The following MCF2L2 variants were observed in gnomAD, a reference collection of about 807,000 sequenced individuals.
MCF2L2 encodes MCF.2 cell line derived transforming sequence-like 2.
A neutral mutation model predicts 150.2 loss-of-function variants in MCF2L2; 102 were observed. The observed-to-expected ratio is 0.68, with a 90% CI of 0.58 to 0.80. The LOEUF (loss-of-function observed/expected upper bound fraction) is 0.80, where lower values mean the gene tolerates loss of function less well. MCF2L2 is among the 30% of genes least tolerant of loss of function. MCF2L2 has a pLI of 0.00. For synonymous variants in MCF2L2, 465 were observed against 491.3 expected (o/e 0.95, Z 0.71); for missense variants, 1,256 against 1,372.8 (o/e 0.91, Z 1.34).
At chr3:183,242,884 G>C (rs745688512) in intron 15 of MCF2L2, among the ~76,000 whole-genome samples, 22 of 152,202 alleles carry the variant, frequency 1.4e-4, no homozygotes, top group Admixed American at 2.0e-4. Context: ...AAGCCACAGG[G>C]GCAGAGTTGC....
At chr3:183,400,879 A>T (rs1201568160) in intron 1 of MCF2L2, among the ~76,000 whole-genome samples, 1 of 152,164 alleles carries the variant, frequency 6.6e-6, no homozygotes, top group Non-Finnish European at 1.5e-5. Context: ...AACTTATTCC[A>T]GGCCACAATT....
intron 2 of MCF2L2, among the ~76,000 whole-genome samples, chr3:183,382,915 T>C (rs1007506907): frequency 2.6e-5 from 4 of 152,174 alleles, no homozygotes; most frequent in Non-Finnish European, 5.9e-5. Context: ...AGACCAATGA[T>C]GGGGAAGGTT....
chr3:183,258,389 G>C (rs965242361), intron 15 of MCF2L2: 1 of 152,694 alleles, frequency 6.5e-6, no homozygotes, highest in African/African-American at 2.4e-5. Flanking sequence ...CCAGGATCAG[G>C]TGCATTCAGC....
intron 1 of MCF2L2, among the ~76,000 whole-genome samples, chr3:183,390,668 G>A (rs942859622): frequency 7.9e-5 from 12 of 152,156 alleles, no homozygotes; most frequent in African/African-American, 2.9e-4. Flanking sequence ...AGGCCGAGGG[G>A]GAAGGACTAT....
At chr3:183,397,852 G>T (rs1303129877) in intron 1 of MCF2L2, among the ~76,000 whole-genome samples, 1 of 152,082 alleles carries the variant, frequency 6.6e-6, no homozygotes, top group Non-Finnish European at 1.5e-5. Flanking sequence ...TTGTTCTTTT[G>T]TTGCAAATGA....
Position 183,179,087 on chromosome 3 carries a change from C to CAA in MCF2L2, c.*291_*292dup, listed in dbSNP as rs1263996507. On this transcript the variant is annotated 3_prime_UTR_variant, in exon 30 of 30. Coordinates refer to ENST00000328913, the MANE Select transcript of MCF2L2 (RefSeq NM_015078.4). This position sits in a 1 kb window ranked among gnomAD's most constrained non-coding sequence, Gnocchi z 4.2. ...TGGGAGCACAGAGAAGCCCACGCAG[C>CAA]AAAGAATTGCCCGGCTCCGAATATC... 2.3e-5 allele frequency: 8 copies of CAA among 343,242 alleles called. No homozygotes were observed. Among genetic ancestry groups the CAA allele is most frequent in the Non-Finnish European group, 3.7e-5 (7 of 191,718 alleles). 21.3% of individuals were successfully genotyped at this position (343,242 alleles called of 1,614,324 possible).
intron 3 of MCF2L2, among the ~76,000 whole-genome samples, chr3:183,369,713 T>C (rs1382578774): frequency 6.6e-6 from 1 of 151,478 alleles, no homozygotes. Context: ...GTTGGAACTC[T>C]TTATGAGAAA....
rs556821329 is a variant in MCF2L2, at chr3:183,326,505, A to C, written c.487-3154T>G. On this transcript the variant is annotated intron_variant, in intron 5 of 29. Coordinates refer to ENST00000328913, the MANE Select transcript of MCF2L2 (RefSeq NM_015078.4). The stretch of plus-strand genomic sequence containing the variant: ...GAAACTCCGTCTCAAAAAAAAAAAA[A>C]AAAAAAAAAAACAAAAAAAAACCCA... Among the ~76,000 whole-genome samples, 1,099 of 148,908 alleles carry C rather than the reference A, an allele frequency of 7.4e-3. 6 individuals carry two copies. Among genetic ancestry groups the C allele is most frequent in the Middle Eastern group, 0.028 (8 of 288 alleles).
chr3:183,318,348 AC>A (rs2108516208), intron 6 of MCF2L2, 131 bp from the exon 7 acceptor site: 1 of 1,008,334 alleles, frequency 9.9e-7, no homozygotes, highest in Non-Finnish European at 1.5e-6. Flanking sequence ...GGTATAGAGG[AC>A]CTGATTCTGA....
chr3:183,382,427 C>T (rs1166837273), intron 2 of MCF2L2, among the ~76,000 whole-genome samples: 2 of 152,180 alleles, frequency 1.3e-5, no homozygotes, highest in East Asian at 1.9e-4. Context: ...GTGAAGTTTT[C>T]TTCTACCTTG....
intron 18 of MCF2L2, chr3:183,226,263 T>C (rs566964195): frequency 6.6e-6 from 1 of 152,180 alleles, no homozygotes; most frequent in Non-Finnish European, 1.5e-5. Flanking sequence ...GCCAACATGA[T>C]GAAACCTCGT....
At chr3:183,191,412 C>T (rs190449150) in intron 27 of MCF2L2, among the ~76,000 whole-genome samples, 115 of 152,298 alleles carry the variant, frequency 7.6e-4, no homozygotes, top group Admixed American at 1.2e-3. Flanking sequence ...GATCTAGACA[C>T]TTTTATAATG....
chr3:183,279,555 T>C lies in MCF2L2; in HGVS notation c.1777-2598A>G, dbSNP rs2108463594. Among the ~76,000 whole-genome samples the C allele has an allele frequency of 2.0e-5, 3 of 152,324 alleles. 1 individual carries two copies. The highest frequency in any genetic ancestry group is 2.0e-4 in the Admixed American group (3 of 15,296). ...TTCACCCTGAATTGCCCCTAGGGTA[T>C]ACCTAGGAGAGGGAGGGCTGGCAAC... On this transcript the variant is annotated intron_variant, in intron 14 of 29. Transcript: ENST00000328913.
intron 15 of MCF2L2, among the ~76,000 whole-genome samples, chr3:183,260,791 C>T (rs918258705): frequency 6.6e-6 from 1 of 152,206 alleles, no homozygotes; most frequent in East Asian, 1.9e-4. Flanking sequence ...ACCCAGCTTT[C>T]CCCTCTATCC....
intron 15 of MCF2L2, among the ~76,000 whole-genome samples, chr3:183,250,256 A>G (rs76021161): frequency 0.015 from 2,230 of 152,254 alleles, 43 homozygotes; most frequent in African/African-American, 0.05. Context: ...ACCCAAAGAC[A>G]CTTAAGGTTG....
intron 6 of MCF2L2, among the ~76,000 whole-genome samples, chr3:183,319,076 C>G (rs1170545305): frequency 6.6e-6 from 1 of 152,216 alleles, no homozygotes; most frequent in East Asian, 1.9e-4. Flanking sequence ...TAGCAGTTTA[C>G]TCACAATAGA....
chr3:183,358,523 A>C (rs1200858416), intron 3 of MCF2L2, among the ~76,000 whole-genome samples: 1 of 152,234 alleles, frequency 6.6e-6, no homozygotes, highest in Non-Finnish European at 1.5e-5. Flanking sequence ...GAACTTGTGC[A>C]ACTTAATGGT....
In MCF2L2 at chr3:183,224,122, C is replaced by G. The variant is rs761451638; in HGVS notation, c.2184G>C (p.Glu728Asp). The G allele has an allele frequency of 1.2e-6, 2 of 1,614,000 alleles. No homozygotes were observed. Among genetic ancestry groups the G allele is most frequent in the South Asian group, 2.2e-5 (2 of 91,078 alleles). ...CCCCAAAGTAGGCGCAGTCTTGACA[C>G]TCTTGCCAGATTGCCCTAGCTCGGG... ...NLPRARAIWQ[E>D]CQDCAYFGVC... is the part of the protein sequence containing the mutation. Residue 728 changes from glutamate to aspartate, a missense_variant, in exon 19 of 30, where the codon GAG becomes GAC. Coordinates refer to ENST00000328913, the MANE Select transcript of MCF2L2 (RefSeq NM_015078.4).
chr3:183,180,190 C>T, intron 27 of MCF2L2, 31 bp from the exon 28 acceptor site: 2 of 1,448,576 alleles, frequency 1.4e-6, no homozygotes, highest in Non-Finnish European at 9.7e-7. Context: ...GATGGGGCCT[C>T]TGTGGGGTGG....
Sources: gnomAD v4.1 joint callset for allele counts (sites outside exome capture counted in the v4.1 genomes callset) on GRCh38, gnomAD v4.1.1 for gene constraint, Gnocchi (gnomAD v3.1) non-coding constraint, MANE v1.5 for transcripts, NCBI Gene and HGNC (gene_info 2026-07-23, HGNC 2026-07-21) for gene names.